The following AFF2 variants were observed in gnomAD, a reference collection of about 807,000 sequenced individuals.
AFF2 encodes AF4/FMR2 family member 2.
AFF2 carries 14 observed loss-of-function variants against 76.9 expected under a neutral mutation model. That is an observed-to-expected ratio of 0.18 (90% confidence interval 0.12 to 0.28). The LOEUF is 0.28. Among genes scored for constraint, AFF2 ranks in the 10% least tolerant of loss-of-function variants. The pLI, the probability that AFF2 is intolerant of heterozygous loss-of-function variation, is 1.00. For synonymous variants in AFF2, 398 were observed against 366.7 expected, an observed-to-expected ratio of 1.09 and a Z score of -0.98; for missense variants, 868 against 1,001.1, an observed-to-expected ratio of 0.87 and a Z score of 1.79.
intron 4 of AFF2, among the ~76,000 whole-genome samples, chrX:148,829,554 A>G (rs1301817183): frequency 8.9e-6 from 1 of 111,935 alleles, no homozygotes; most frequent in Non-Finnish European, 1.9e-5. Context: ...GGAGAATGAC[A>G]AATTTCCTTA....
chrX:148,529,691 C>A (rs1202354176), intron 1 of AFF2, among the ~76,000 whole-genome samples: 5 of 111,699 alleles, frequency 4.5e-5, no homozygotes, highest in Non-Finnish European at 9.4e-5. Context: ...AGGAGTACTC[C>A]CACCACATGG....
chrX:148,930,451 G>A (rs576477332), intron 9 of AFF2, among the ~76,000 whole-genome samples: 1 of 112,069 alleles, frequency 8.9e-6, no homozygotes, highest in East Asian at 2.8e-4. Flanking sequence ...AGCCCTCTGT[G>A]TTTCTGAGCC....
intron 3 of AFF2, among the ~76,000 whole-genome samples, chrX:148,763,111 A>G (rs1488141961): frequency 4.5e-5 from 5 of 112,267 alleles, no homozygotes; most frequent in Admixed American, 2.8e-4. Context: ...ATCTTTTTTT[A>G]GTTTTGAGAA....
rs1557292394 is a variant in AFF2 at position 148,992,102 on chromosome X, G to A, written c.*770G>A. On this transcript the variant is annotated 3_prime_UTR_variant, in exon 21 of 21. Transcript: ENST00000370460. ...ATTTGAAGTGTAAATCCTCACCTGGGGTTCTCTGTGTGCAAAGCTGTCCTT... is the reference window on the plus strand; with the variant it reads ...ATTTGAAGTGTAAATCCTCACCTGGAGTTCTCTGTGTGCAAAGCTGTCCTT... 1 of 111,657 alleles carries A rather than the reference G, an allele frequency of 9.0e-6. No individual in the cohort carries two copies. The highest frequency in any genetic ancestry group is 2.8e-4 in the East Asian group (1 of 3,564). 9.2% of individuals were successfully genotyped at this position (111,657 alleles called of 1,213,427 possible).
intron 3 of AFF2, among the ~76,000 whole-genome samples, chrX:148,695,238 T>C (rs781887288): frequency 8.9e-6 from 1 of 112,051 alleles, no homozygotes; most frequent in Non-Finnish European, 1.9e-5. Flanking sequence ...TAAGTACAAA[T>C]TGTATTCGTA....
chrX:148,748,412 C>T (rs1361066833), intron 3 of AFF2, among the ~76,000 whole-genome samples: 2 of 111,987 alleles, frequency 1.8e-5, no homozygotes, highest in Non-Finnish European at 3.8e-5. Flanking sequence ...AGCGTGCAGC[C>T]ATGAGTGTGT....
intron 20 of AFF2, among the ~76,000 whole-genome samples, chrX:148,988,150 G>A (rs971113400): frequency 2.7e-5 from 3 of 111,911 alleles, no homozygotes; most frequent in Non-Finnish European, 5.6e-5. Flanking sequence ...CGTGGTCTTT[G>A]GTGACTCATG....
intron 1 of AFF2, among the ~76,000 whole-genome samples, chrX:148,585,662 A>AC (rs1557245782): frequency 2.8e-5 from 3 of 108,353 alleles, no homozygotes; most frequent in African/African-American, 1.0e-4. Flanking sequence ...ACATGGTGAA[A>AC]CCCCCTCTCT....
At chrX:148,542,234 C>A (rs2052866020) in intron 1 of AFF2, among the ~76,000 whole-genome samples, 3 of 109,260 alleles carry the variant, frequency 2.7e-5, no homozygotes, top group Admixed American at 2.0e-4. Context: ...TTAGCTCAGT[C>A]AAGTTGGGTG....
chrX:148,798,100 C>T (rs1175300977), intron 3 of AFF2, among the ~76,000 whole-genome samples: 1 of 111,635 alleles, frequency 9.0e-6, no homozygotes, highest in Non-Finnish European at 1.9e-5. Context: ...TGGCACAGGC[C>T]TTCTTTCTGC....
chrX:148,783,879 G>A (rs2069777812), intron 3 of AFF2, among the ~76,000 whole-genome samples: 1 of 111,671 alleles, frequency 9.0e-6, no homozygotes, highest in Non-Finnish European at 1.9e-5. Flanking sequence ...GGTGAACCAA[G>A]CATCAGATTC....
Position 148,889,847 on chromosome X carries a change from G to A in AFF2, c.1359+3862G>A, listed in dbSNP as rs185960032. 3.9e-4 allele frequency among the ~76,000 whole-genome samples: 44 copies of A among 111,579 alleles called. No individual in the cohort carries two copies. The East Asian group carries it at 0.012, about 30-fold the overall frequency. ...TACCTATAAAATAGAGGTAAAAATA[G>A]CACCTTCTTCATTGGGTCATACTGG... On this transcript the variant is annotated intron_variant, in intron 8 of 20. Transcript: ENST00000370460.
chrX:148,694,251 T>C (rs971914245), intron 3 of AFF2, among the ~76,000 whole-genome samples: 8 of 110,073 alleles, frequency 7.3e-5, no homozygotes, highest in African/African-American at 2.7e-4. Context: ...CACCAGCATG[T>C]CACATATATA....
At chrX:148,973,365 G>A (rs890942029) in intron 15 of AFF2, 106 bp from the exon 16 acceptor site, 20 of 995,303 alleles carry the variant, frequency 2.0e-5, no homozygotes, top group Non-Finnish European at 2.5e-5. Flanking sequence ...ATTGCCAAAT[G>A]TTCCCTGTGG....
At chrX:148,596,533 G>A (rs933178670) in intron 1 of AFF2, among the ~76,000 whole-genome samples, 1 of 111,883 alleles carries the variant, frequency 8.9e-6, no homozygotes, top group African/African-American at 3.3e-5. Context: ...AAAGTGGGAC[G>A]ACTATGTTCC....
rs144217407 is a variant in AFF2 at position 148,633,000 on chromosome X, T to C, written c.48-18999T>C. On this transcript the variant is annotated intron_variant, in intron 1 of 20. Transcript: ENST00000370460. ...TATTCGAAGATATAGAAATAAATAA[T>C]GGAGAAACTCCTGGATCAAACATCC... 6.4e-3 allele frequency among the ~76,000 whole-genome samples: 714 copies of C among 111,868 alleles called. 2 individuals are homozygous for C. The highest frequency in any genetic ancestry group is 0.011 in the Non-Finnish European group (587 of 53,166).
chrX:148,986,454 G>C (rs1195832305), intron 19 of AFF2, among the ~76,000 whole-genome samples: 1 of 112,254 alleles, frequency 8.9e-6, no homozygotes, highest in East Asian at 2.8e-4. Flanking sequence ...GTGACTCCTT[G>C]TTGCGAATAT....
At chrX:148,854,626 A>G (rs1370928560) in intron 7 of AFF2, among the ~76,000 whole-genome samples, 3 of 111,445 alleles carry the variant, frequency 2.7e-5, no homozygotes, top group Non-Finnish European at 3.8e-5. Context: ...TCAGATCAAG[A>G]GGGCCAGCAG....
intron 4 of AFF2, among the ~76,000 whole-genome samples, chrX:148,819,689 T>A (rs781818179): frequency 1.2e-4 from 13 of 111,719 alleles, no homozygotes; most frequent in Non-Finnish European, 2.5e-4. Flanking sequence ...TATCTTTGTT[T>A]CATGTTATGG....
Sources: gnomAD v4.1 joint callset for allele counts (sites outside exome capture counted in the v4.1 genomes callset) on GRCh38, gnomAD v4.1.1 for gene constraint, MANE v1.5 for transcripts, NCBI Gene and HGNC (gene_info 2026-07-23, HGNC 2026-07-21) for gene names.